Variants in ACTR3 observed in about 807,000 individuals in gnomAD.
The protein encoded by ACTR3 is actin related protein 3.
Under a neutral mutation model 56.8 loss-of-function variants are expected in ACTR3, and 12 were observed. The ratio of observed to expected loss-of-function variants is 0.21; its 90% confidence interval spans 0.14 to 0.34. ACTR3 has a LOEUF of 0.34. Ranked by LOEUF, ACTR3 falls within the 10% of genes least tolerant of loss-of-function variation. The pLI, the probability that ACTR3 is intolerant of heterozygous loss-of-function variation, is 1.00. For synonymous variants in ACTR3, 162 were observed against 167.4 expected (o/e 0.97, Z 0.25); for missense variants, 282 against 512.5 (o/e 0.55, Z 4.34).
At chr2:113,947,236 A>G (rs910911298) in intron 8 of ACTR3, among the ~76,000 whole-genome samples, 6 of 152,392 alleles carry the variant, frequency 3.9e-5, no homozygotes, top group African/African-American at 1.4e-4. Context: ...GATCCTGAGC[A>G]AATGTCCTGC....
At position 113,959,470 on chromosome 2, in the gene ACTR3, C is replaced by T. The variant is rs946045162; in HGVS notation, c.*2015C>T. The T allele has an allele frequency of 2.6e-5, 4 of 151,978 alleles. No homozygotes were observed. Among genetic ancestry groups the T allele is most frequent in the Non-Finnish European group, 4.4e-5 (3 of 67,904 alleles). 9.4% of individuals were successfully genotyped at this position (151,978 alleles called of 1,614,324 possible). ...ACATGTTTATAAAGCTATTTGATGACAATCTCAGGCATATTTATACAGAGA... is the reference window on the plus strand; with the variant it reads ...ACATGTTTATAAAGCTATTTGATGATAATCTCAGGCATATTTATACAGAGA... On this transcript the variant is annotated 3_prime_UTR_variant, in exon 12 of 12. Transcript: ENST00000263238.
intron 5 of ACTR3, among the ~76,000 whole-genome samples, chr2:113,933,165 C>T (rs528631376): frequency 1.6e-4 from 24 of 152,180 alleles, no homozygotes; most frequent in Non-Finnish European, 2.4e-4. Flanking sequence ...TGGAGGTGTG[C>T]GATGGCGTTT....
intron 9 of ACTR3, 57 bp downstream of exon 9, chr2:113,951,628 T>A (rs1574384770): frequency 6.5e-7 from 1 of 1,530,146 alleles, no homozygotes; most frequent in East Asian, 2.3e-5. Flanking sequence ...TAAACACCTC[T>A]CATAAAAAGG....
chr2:113,951,561 C>T lies in ACTR3; in HGVS notation c.941C>T (p.Pro314Leu). 1.2e-6 allele frequency: 2 copies of T among 1,610,070 alleles called. No homozygotes were observed. The highest frequency in any genetic ancestry group is 1.7e-6 in the Non-Finnish European group (2 of 1,176,686). Reference sequence around the variant, plus strand: ...AATTGTCCTATTGATGTCAGACGTCCTCTCTACAAGGTATTTATAGCAAAA... The same window carrying T: ...AATTGTCCTATTGATGTCAGACGTCTTCTCTACAAGGTATTTATAGCAAAA... ...IQNCPIDVRR[P>L]LYKNIVLSGG... The change falls in exon 9 of 12, where the codon CCT becomes CTT. Residue 314 changes from proline to leucine, a missense_variant. By Grantham distance (98) the Pro-to-Leu change is moderately conservative. Coordinates refer to ENST00000263238, the MANE Select transcript of ACTR3 (RefSeq NM_005721.5).
At chr2:113,934,244 T>G in intron 5 of ACTR3, 35 bp from the exon 6 acceptor site, 5 of 1,380,846 alleles carry the variant, frequency 3.6e-6, no homozygotes, top group Non-Finnish European at 5.0e-6. Flanking sequence ...TTTTTTTTTT[T>G]GTTTTTTTGC....
Position 113,957,524 on chromosome 2 carries a change from C to T in ACTR3, c.*69C>T. On this transcript the variant is annotated 3_prime_UTR_variant, in exon 12 of 12. Transcript: ENST00000263238. ...TAATCTTTCTGATTACCTGTTTTGTCTGGATGGCTGGTTTTGAGGTTTTAA... is the reference window on the plus strand; with the variant it reads ...TAATCTTTCTGATTACCTGTTTTGTTTGGATGGCTGGTTTTGAGGTTTTAA... The T allele has an allele frequency of 7.8e-7, 1 of 1,282,510 alleles. No individual in the cohort carries two copies. 79.4% of individuals were successfully genotyped at this position (1,282,510 alleles called of 1,614,324 possible).
intron 10 of ACTR3, chr2:113,954,915 A>T (rs1265829240): frequency 6.6e-6 from 1 of 152,062 alleles, no homozygotes; most frequent in Admixed American, 6.6e-5. Context: ...ATCTATATCT[A>T]ATTCTCTACA....
At position 113,929,387 on chromosome 2, in the gene ACTR3, C is replaced by T. The variant is rs922777461; in HGVS notation, c.337-1914C>T. On this transcript the variant is annotated intron_variant, in intron 4 of 11. Transcript: ENST00000263238. ...ACTCCTGGGCTCCAAGTGATCCTCC[C>T]GCCATGGCCTCTCAAAGTGCTGCCA... is the stretch of plus-strand genomic sequence containing the variant. Among the ~76,000 whole-genome samples the T allele has an allele frequency of 5.9e-5, 9 of 151,928 alleles. No homozygotes were observed. The South Asian group carries it at 1.0e-3, about 18-fold the overall frequency.
At chr2:113,903,303 A>G (rs1049540195) in intron 1 of ACTR3, among the ~76,000 whole-genome samples, 1 of 152,104 alleles carries the variant, frequency 6.6e-6, no homozygotes, top group African/African-American at 2.4e-5. Flanking sequence ...GGTGTTCTTG[A>G]GCCTCTTAAA....
chr2:113,893,347 G>C (rs1401160396), intron 1 of ACTR3, among the ~76,000 whole-genome samples: 2 of 151,996 alleles, frequency 1.3e-5, no homozygotes, highest in Admixed American at 6.6e-5. Context: ...GGGCTGGAGT[G>C]CAGTGGCACG....
intron 3 of ACTR3, among the ~76,000 whole-genome samples, chr2:113,922,690 A>G (rs938021423): frequency 2.6e-5 from 4 of 152,224 alleles, no homozygotes; most frequent in African/African-American, 4.8e-5. Flanking sequence ...CATTCTGGAT[A>G]TAGGCAAGTT....
intron 3 of ACTR3, among the ~76,000 whole-genome samples, chr2:113,922,806 A>G (rs1307227171): frequency 1.3e-5 from 2 of 152,242 alleles, no homozygotes; most frequent in Admixed American, 6.5e-5. Context: ...ATTGATGGCT[A>G]GGGAATAATT....
At position 113,916,865 on chromosome 2, in the gene ACTR3, T is replaced by C. The variant is rs199527985; in HGVS notation, c.101-19T>C. ...TTTGAGGAAAATGAATTCTTTGACATGTCTAACTTATTTTAAAGGTATTGC... is the reference window on the plus strand; with the variant it reads ...TTTGAGGAAAATGAATTCTTTGACACGTCTAACTTATTTTAAAGGTATTGC... On this transcript the variant is annotated intron_variant, in intron 2 of 11. Coordinates refer to ENST00000263238, the MANE Select transcript of ACTR3 (RefSeq NM_005721.5). The C allele has an allele frequency of 3.2e-6, 5 of 1,575,734 alleles. No individual in the cohort carries two copies. The Admixed American group carries it at 5.6e-5, about 18-fold the overall frequency.
intron 2 of ACTR3, among the ~76,000 whole-genome samples, chr2:113,914,230 G>A (rs912979453): frequency 9.2e-5 from 14 of 152,156 alleles, no homozygotes; most frequent in African/African-American, 3.1e-4. Context: ...TGGATCTTTA[G>A]TATCACTTGA....
intron 4 of ACTR3, 114 bp from the exon 5 acceptor site, chr2:113,931,187 T>C (rs1186672178): frequency 1.7e-6 from 1 of 594,260 alleles, no homozygotes; most frequent in African/African-American, 1.9e-5. Context: ...ACTTGTAAAT[T>C]TAATGCATTT....
chr2:113,955,585 A>G (rs1680194533), intron 10 of ACTR3, 38 bp from the exon 11 acceptor site: 2 of 1,433,106 alleles, frequency 1.4e-6, no homozygotes, highest in Non-Finnish European at 1.9e-6. Flanking sequence ...TGTTATTTGA[A>G]TTTACTATGA....
At chr2:113,925,488 G>A (rs552621439) in intron 3 of ACTR3, among the ~76,000 whole-genome samples, 3 of 152,172 alleles carry the variant, frequency 2.0e-5, no homozygotes, top group South Asian at 2.1e-4. Context: ...GAGCCACCAC[G>A]CCCAGTCGGA....
intron 1 of ACTR3, 106 bp downstream of exon 1, chr2:113,890,429 G>A (rs939904773): frequency 1.4e-4 from 183 of 1,353,148 alleles, no homozygotes; most frequent in Non-Finnish European, 1.7e-4. Context: ...TGCCGCCGCC[G>A]GCTGTCAGTC....
intron 4 of ACTR3, among the ~76,000 whole-genome samples, chr2:113,927,979 A>G (rs564106892): frequency 6.6e-6 from 1 of 152,150 alleles, no homozygotes; most frequent in Non-Finnish European, 1.5e-5. Context: ...CAATTTTAAC[A>G]AAGTTTGCCC....
Sources: gnomAD v4.1 joint callset for allele counts (sites outside exome capture counted in the v4.1 genomes callset) on GRCh38, gnomAD v4.1.1 for gene constraint, MANE v1.5 for transcripts, NCBI Gene and HGNC (gene_info 2026-07-23, HGNC 2026-07-21) for gene names.